Variants in FAM107A observed in about 807,000 individuals in gnomAD.
The protein encoded by FAM107A is actin-associated protein FAM107A.
FAM107A carries 19 observed loss-of-function variants against 13.7 expected under a neutral mutation model. That is an observed-to-expected ratio of 1.38 (90% CI 0.97 to 2.03). The LOEUF is 2.03. Ranked by LOEUF, FAM107A falls within the 30% of genes most tolerant of loss-of-function variation. FAM107A has a pLI of 0.00. For synonymous variants in FAM107A, 82 were observed against 74.5 expected (o/e 1.10, Z -0.52); for missense variants, 203 against 184.4 (o/e 1.10, Z -0.58).
At chr3:58,619,240 A>T (rs1048195586) in intron 1 of FAM107A, among the ~76,000 whole-genome samples, 1 of 152,004 alleles carries the variant, frequency 6.6e-6, no homozygotes, top group Non-Finnish European at 1.5e-5. Context: ...GGCTCAAGTG[A>T]TCCTCCCTCC....
chr3:58,584,782 A>G (rs1024133235), intron 1 of FAM107A, among the ~76,000 whole-genome samples: 2 of 152,192 alleles, frequency 1.3e-5, no homozygotes, highest in Non-Finnish European at 2.9e-5. Flanking sequence ...CATCCTCTTC[A>G]TCTACATAGG....
At chr3:58,625,162 C>A (rs374591046) in intron 1 of FAM107A, among the ~76,000 whole-genome samples, 1 of 152,128 alleles carries the variant, frequency 6.6e-6, no homozygotes, top group African/African-American at 2.4e-5. Context: ...AGTGACTGAA[C>A]GGACCCCCTC....
chr3:58,619,911 G>A (rs2065937207), intron 1 of FAM107A, among the ~76,000 whole-genome samples: 1 of 152,122 alleles, frequency 6.6e-6, no homozygotes, highest in Non-Finnish European at 1.5e-5. Context: ...TGAGAATTTG[G>A]ATCAGAGCCT....
At chr3:58,582,748 G>A (rs1449434095), upstream of FAM107A, among the ~76,000 whole-genome samples, 3 of 152,222 alleles carry the variant, frequency 2.0e-5, no homozygotes, top group Non-Finnish European at 2.9e-5. Context: ...TGGAGTCAGG[G>A]CTCTGTAAGT....
rs1286205182 is a variant in FAM107A at position 58,566,203 on chromosome 3, G to C, written c.*385C>G. Reference sequence around the variant, plus strand: ...TGAGACCTAGGAGCTGGGGTGTACGGAGAAGCGGGGCCCTGGGGAGCCTCG... The same window carrying C: ...TGAGACCTAGGAGCTGGGGTGTACGCAGAAGCGGGGCCCTGGGGAGCCTCG... On this transcript the variant is annotated 3_prime_UTR_variant, in exon 4 of 4. Coordinates refer to ENST00000360997, the MANE Select transcript of FAM107A (RefSeq NM_001076778.3). 1 of 174,282 alleles carries C rather than the reference G, an allele frequency of 5.7e-6. No individual in the cohort carries two copies. Among genetic ancestry groups the C allele is most frequent in the East Asian group, 1.6e-4 (1 of 6,272 alleles). The allele number at this position is 174,282 out of a possible 1,614,324, so 10.8% of individuals were successfully genotyped here.
chr3:58,575,502 T>A, intron 1 of FAM107A, among the ~76,000 whole-genome samples: 1 of 127,028 alleles, frequency 7.9e-6, no homozygotes, highest in East Asian at 2.5e-4. Flanking sequence ...AAACTAAGGC[T>A]CAGAGAGGCC....
chr3:58,597,217 CA>C (rs1283519336), intron 1 of FAM107A, among the ~76,000 whole-genome samples: 5 of 152,192 alleles, frequency 3.3e-5, no homozygotes, highest in Non-Finnish European at 7.3e-5. Flanking sequence ...AGATATCCAG[CA>C]GTGGACTTGG....
At chr3:58,576,043 GC>G (rs1466310980) in intron 1 of FAM107A, among the ~76,000 whole-genome samples, 1 of 152,220 alleles carries the variant, frequency 6.6e-6, no homozygotes, top group Non-Finnish European at 1.5e-5. Flanking sequence ...AAAGTGACAA[GC>G]ACGGTCACTG....
rs538875945 is a variant in FAM107A at position 58,618,732 on chromosome 3, T to C, written c.-70+8684A>G. Among the ~76,000 whole-genome samples the C allele has an allele frequency of 1.2e-4, 18 of 152,342 alleles. No homozygotes were observed. In the South Asian group the frequency reaches 3.7e-3, roughly 32 times the overall value. ...GGGCCCCCTGTGACCTCTTCCTCTCTTGAGGTCTTAGAACATCTGGGAGTG... is the reference window on the plus strand; with the variant it reads ...GGGCCCCCTGTGACCTCTTCCTCTCCTGAGGTCTTAGAACATCTGGGAGTG... On this transcript the variant is annotated intron_variant, in intron 1 of 3. Transcript: ENST00000465970.
rs2108079675 is a variant in FAM107A, at chr3:58,613,388, C to T, written c.-70+14028G>A. On this transcript the variant is annotated intron_variant, in intron 1 of 3. Coordinates refer to the FAM107A transcript ENST00000465970. The surrounding 1 kb of genome is among the most constrained non-coding windows in gnomAD (Gnocchi z 4.6). ...AGAGCTGACTCTAGTGAGCTGACCT[C>T]AGCCCTCCCGTGCCAAGATCCTTGG... 1.3e-5 allele frequency among the ~76,000 whole-genome samples: 2 copies of T among 152,268 alleles called. No homozygotes were observed. The highest frequency in any genetic ancestry group is 6.8e-3 in the Middle Eastern group (2 of 294).
intron 1 of FAM107A, among the ~76,000 whole-genome samples, chr3:58,584,932 T>C (rs1654620706): frequency 6.6e-6 from 1 of 152,214 alleles, no homozygotes; most frequent in South Asian, 2.1e-4. Context: ...ATCTTTGCTT[T>C]TGTTACTTCA....
At chr3:58,589,199 G>T, upstream of FAM107A, 2 of 1,526,534 alleles carry the variant, frequency 1.3e-6, no homozygotes, top group South Asian at 1.2e-5. Context: ...TAGCGGGTCT[G>T]ACTTACCTGA....
intron 1 of FAM107A, among the ~76,000 whole-genome samples, chr3:58,614,753 C>T (rs770749084): frequency 1.2e-4 from 18 of 152,132 alleles, no homozygotes; most frequent in South Asian, 4.1e-4. Flanking sequence ...GATCCACCCA[C>T]CTTGGCCTCC....
chr3:58,576,486 A>T (rs1245062642), intron 1 of FAM107A, among the ~76,000 whole-genome samples: 1 of 152,228 alleles, frequency 6.6e-6, no homozygotes, highest in East Asian at 1.9e-4. Flanking sequence ...CTCTGCAGGG[A>T]AAATTCCAGC....
intron 1 of FAM107A, among the ~76,000 whole-genome samples, chr3:58,626,485 A>C (rs2066018963): frequency 6.6e-6 from 1 of 152,200 alleles, no homozygotes; most frequent in African/African-American, 2.4e-5. Context: ...TTTAATTTTC[A>C]CAATGATTTT....
In FAM107A at chr3:58,617,202, G is replaced by A. The variant is rs2065910741; in HGVS notation, c.-70+10214C>T. Reference sequence around the variant, plus strand: ...ACGCTGGCCGGTTCAGGGCCTGCAGGTCTCAATGGCAGGCCTCTTCCTGAA... The same window carrying A: ...ACGCTGGCCGGTTCAGGGCCTGCAGATCTCAATGGCAGGCCTCTTCCTGAA... On this transcript the variant is annotated intron_variant, in intron 1 of 3. Coordinates refer to the FAM107A transcript ENST00000465970. The surrounding 1 kb of genome is among the most constrained non-coding windows in gnomAD (Gnocchi z 4.5). Among the ~76,000 whole-genome samples the A allele has an allele frequency of 6.6e-6, 1 of 152,178 alleles. No individual in the cohort carries two copies. Among genetic ancestry groups the A allele is most frequent in the South Asian group, 2.1e-4 (1 of 4,830 alleles).
At chr3:58,616,572 CACTA>C (rs2065903563) in intron 1 of FAM107A, among the ~76,000 whole-genome samples, 1 of 149,976 alleles carries the variant, frequency 6.7e-6, no homozygotes, top group Non-Finnish European at 1.5e-5. Context: ...CACACACCAC[CACTA>C]CCACCACCAC....
At chr3:58,582,478 C>A (rs1490129722), upstream of FAM107A, among the ~76,000 whole-genome samples, 3 of 152,224 alleles carry the variant, frequency 2.0e-5, no homozygotes, top group Admixed American at 6.5e-5. Flanking sequence ...CAGGTTAACG[C>A]CCCTCAAGTG....
chr3:58,625,238 G>T (rs547266047), intron 1 of FAM107A, among the ~76,000 whole-genome samples: 6 of 152,060 alleles, frequency 3.9e-5, no homozygotes, highest in Non-Finnish European at 8.8e-5. Context: ...ATGGGAGGTC[G>T]CACGTGCCCC....
Sources: allele counts gnomAD v4.1 joint callset (sites outside exome capture counted in the v4.1 genomes callset), GRCh38; gene constraint gnomAD v4.1.1; non-coding constraint Gnocchi (gnomAD v3.1); transcripts MANE v1.5; gene names NCBI Gene and HGNC (gene_info 2026-07-23, HGNC 2026-07-21).